CXADR: variants seen among roughly 807,000 people sequenced by gnomAD.
CXADR encodes the protein CXADR cell adhesion molecule, also known as coxsackievirus and adenovirus receptor.
CXADR carries 20 observed loss-of-function variants against 40.3 expected under a neutral mutation model. The observed-to-expected ratio is 0.50, with a 90% confidence interval of 0.35 to 0.72. CXADR has a LOEUF of 0.72. CXADR is among the 30% of genes least tolerant of loss of function. The probability of loss-of-function intolerance (pLI) is 0.01; values close to 1 mark genes in which losing one functional copy is unlikely to be tolerated. For synonymous variants in CXADR, 150 were observed against 161.3 expected (o/e 0.93, Z 0.53); for missense variants, 332 against 449.1 (o/e 0.74, Z 2.36).
Position 17,567,418 on chromosome 21 carries a change from G to T in CXADR, c.*1726G>T, listed in dbSNP as rs188342094. Reference sequence around the variant, plus strand: ...TTAACATTTTCATCTGTGCCTTTTGGTAATTTAATTTCTATTATGAATTTC... The same window carrying T: ...TTAACATTTTCATCTGTGCCTTTTGTTAATTTAATTTCTATTATGAATTTC... On this transcript the variant is annotated 3_prime_UTR_variant, in exon 7 of 7. Coordinates refer to ENST00000284878, the MANE Select transcript of CXADR (RefSeq NM_001338.5). 3.0e-6 allele frequency: 3 copies of T among 985,054 alleles called. No homozygotes were observed. In the East Asian group the frequency reaches 3.4e-4, roughly 112 times the overall value. The allele number at this position is 985,054 out of a possible 1,614,324, so 61.0% of individuals were successfully genotyped here.
At chr21:17,542,046 AT>A (rs2060836583) in intron 1 of CXADR, 5 of 357,800 alleles carry the variant, frequency 1.4e-5, no homozygotes, top group Middle Eastern at 7.3e-4. Context: ...CCAAATGGTG[AT>A]TTTTTAATAA....
At chr21:17,524,606 A>C (rs1215651069) in intron 1 of CXADR, among the ~76,000 whole-genome samples, 2 of 134,508 alleles carry the variant, frequency 1.5e-5, no homozygotes, top group Admixed American at 7.8e-5. Context: ...AAAAAAAGCC[A>C]GTTAGAGGCT....
chr21:17,534,152 G>C (rs2123185094), intron 1 of CXADR, among the ~76,000 whole-genome samples: 1 of 123,704 alleles, frequency 8.1e-6, no homozygotes, highest in Non-Finnish European at 1.6e-5. Context: ...CTGTTACCCA[G>C]GCTGGAGTGC....
chr21:17,525,308 A>C (rs1331873657), intron 1 of CXADR, among the ~76,000 whole-genome samples: 1 of 152,232 alleles, frequency 6.6e-6, no homozygotes, highest in Non-Finnish European at 1.5e-5. Context: ...AGATTTTAAG[A>C]AGAAACAACA....
intron 1 of CXADR, among the ~76,000 whole-genome samples, chr21:17,534,803 T>TTTTTTTTTTTG (rs397766522): frequency 6.6e-6 from 1 of 150,606 alleles, no homozygotes; most frequent in African/African-American, 2.4e-5. Context: ...TTTTTTTTTT[T>TTTTTTTTTTTG]GAGAAGGACT....
chr21:17,589,457 A>C (rs1176370716), intron 7 of CXADR, among the ~76,000 whole-genome samples: 5 of 152,092 alleles, frequency 3.3e-5, no homozygotes, highest in Non-Finnish European at 5.9e-5. Flanking sequence ...AAATTTAAAG[A>C]TCAAAATGTT....
intron 1 of CXADR, among the ~76,000 whole-genome samples, chr21:17,545,083 T>TG (rs1386242805): frequency 2.1e-5 from 3 of 144,716 alleles, no homozygotes; most frequent in Non-Finnish European, 4.5e-5. Context: ...TTTTTTTTTT[T>TG]TTTTTTTTTT....
chr21:17,600,948 G>A, the CXADR span, among the ~76,000 whole-genome samples: 1 of 152,218 alleles, frequency 6.6e-6, no homozygotes, highest in Admixed American at 6.5e-5. Flanking sequence ...TGGATCATGA[G>A]GTCAGGCGTT....
At chr21:17,587,126 T>C (rs1052883109) in intron 7 of CXADR, among the ~76,000 whole-genome samples, 47 of 152,348 alleles carry the variant, frequency 3.1e-4, no homozygotes, top group African/African-American at 1.1e-3. Flanking sequence ...ATTTTCTTAA[T>C]CCAGTCTATC....
intron 7 of CXADR, chr21:17,593,134 C>CTTT: frequency 7.1e-7 from 1 of 1,402,584 alleles, no homozygotes. Flanking sequence ...AGAGATATCT[C>CTTT]TTTTTTTCTT....
chr21:17,526,272 C>G (rs1360012650), intron 1 of CXADR, among the ~76,000 whole-genome samples: 1 of 152,150 alleles, frequency 6.6e-6, no homozygotes, highest in East Asian at 1.9e-4. Context: ...GAATAGTTCT[C>G]ATGAGATTTT....
At chr21:17,548,110 A>C (rs1471948301) in intron 2 of CXADR, among the ~76,000 whole-genome samples, 1 of 152,200 alleles carries the variant, frequency 6.6e-6, no homozygotes, top group East Asian at 1.9e-4. Context: ...AAATAAGTCC[A>C]AATATTTAGG....
the CXADR span, among the ~76,000 whole-genome samples, chr21:17,610,315 T>C: frequency 3.3e-5 from 5 of 152,318 alleles, no homozygotes; most frequent in East Asian, 1.9e-4. Context: ...AATGGGTGAA[T>C]TGCATGGTAT....
intron 6 of CXADR, 108 bp from the exon 7 acceptor site, chr21:17,565,320 T>G: frequency 8.5e-7 from 1 of 1,176,144 alleles, no homozygotes; most frequent in Non-Finnish European, 1.2e-6. Flanking sequence ...CACACTTTTA[T>G]ATGTTTAGTA....
At chr21:17,618,140 A>C in the CXADR span, among the ~76,000 whole-genome samples, 1 of 152,206 alleles carries the variant, frequency 6.6e-6, no homozygotes, top group African/African-American at 2.4e-5. Flanking sequence ...AAGGAGTTAA[A>C]GGCTGCAGTA....
At chr21:17,629,238 G>A in the CXADR span, among the ~76,000 whole-genome samples, 1 of 151,776 alleles carries the variant, frequency 6.6e-6, no homozygotes, top group Non-Finnish European at 1.5e-5. Context: ...AAATTAGCTG[G>A]GTATGGTGAT....
At chr21:17,609,161 A>T in the CXADR span, 5 of 1,600,238 alleles carry the variant, frequency 3.1e-6, no homozygotes, top group Non-Finnish European at 4.3e-6. Flanking sequence ...CCCTGCAAAG[A>T]TAAAACATGT....
rs762482430 is a variant in CXADR at position 17,559,138 on chromosome 21, C to T, written c.571+7C>T. ...CCCACTTCATGGTTAGCAGGTACTG[C>T]TGATAATAGTATTTGTACCACATGC... On this transcript the variant is annotated splice_region_variant and intron_variant, in intron 4 of 6. Coordinates refer to ENST00000284878, the MANE Select transcript of CXADR (RefSeq NM_001338.5). The T allele has an allele frequency of 6.2e-7, 1 of 1,613,686 alleles. No individual in the cohort carries two copies.
intron 2 of CXADR, among the ~76,000 whole-genome samples, chr21:17,549,736 C>G (rs144377891): frequency 2.5e-3 from 384 of 152,232 alleles, no homozygotes; most frequent in African/African-American, 8.2e-3. Flanking sequence ...CTCAAGCCCC[C>G]CTTAAAGGAC....
Sources: allele counts gnomAD v4.1 joint callset (sites outside exome capture counted in the v4.1 genomes callset), GRCh38; gene constraint gnomAD v4.1.1; transcripts MANE v1.5; gene names NCBI Gene and HGNC (gene_info 2026-07-23, HGNC 2026-07-21).